Variants in SLC24A2 observed in about 807,000 individuals in gnomAD.
SLC24A2 encodes the protein solute carrier family 24 member 2, also known as sodium/potassium/calcium exchanger 2.
SLC24A2 carries 36 observed loss-of-function variants against 62.0 expected under a neutral mutation model. The ratio of observed to expected loss-of-function variants is 0.58; its 90% CI spans 0.44 to 0.77. The LOEUF (loss-of-function observed/expected upper bound fraction) is 0.77. Ranked by LOEUF, SLC24A2 falls within the 30% of genes least tolerant of loss-of-function variation. The probability of loss-of-function intolerance (pLI) is 0.00; values close to 1 mark genes in which losing one functional copy is unlikely to be tolerated. For missense variants in SLC24A2, 846 were observed against 817.9 expected, an observed-to-expected ratio of 1.03 and a Z score of -0.42; for synonymous variants, 358 against 294.0, an observed-to-expected ratio of 1.22 and a Z score of -2.23.
chr9:19,920,366 T>A, the SLC24A2 span, among the ~76,000 whole-genome samples: 2 of 152,222 alleles, frequency 1.3e-5, no homozygotes, highest in African/African-American at 4.8e-5. Context: ...GATTAATTCA[T>A]CAGTCGTGAT....
At chr9:20,042,191 T>C in the SLC24A2 span, among the ~76,000 whole-genome samples, 3 of 152,226 alleles carry the variant, frequency 2.0e-5, no homozygotes, top group East Asian at 5.8e-4. Context: ...TCCAGCACTT[T>C]CCAGAAGGCA....
At chr9:19,990,133 T>A in the SLC24A2 span, among the ~76,000 whole-genome samples, 6 of 152,300 alleles carry the variant, frequency 3.9e-5, no homozygotes, top group East Asian at 1.2e-3. Context: ...CATTATCTCA[T>A]TTAATCATCA....
the SLC24A2 span, among the ~76,000 whole-genome samples, chr9:20,025,152 T>C: frequency 6.6e-6 from 1 of 152,232 alleles, no homozygotes; most frequent in Non-Finnish European, 1.5e-5. Context: ...TATTCTATTC[T>C]ATTTTCTTTA....
At chr9:20,291,939 G>A in the SLC24A2 span, among the ~76,000 whole-genome samples, 2 of 152,164 alleles carry the variant, frequency 1.3e-5, no homozygotes, top group Non-Finnish European at 2.9e-5. Flanking sequence ...AGGGAGTGAA[G>A]GGGGCAGGAA....
chr9:19,676,482 G>A (rs925142577), intron 2 of SLC24A2, among the ~76,000 whole-genome samples: 7 of 152,286 alleles, frequency 4.6e-5, no homozygotes, highest in Non-Finnish European at 1.0e-4. Flanking sequence ...CTGGCACTGC[G>A]GCAGCTGACT....
chr9:20,084,970 CAG>C, the SLC24A2 span, among the ~76,000 whole-genome samples: 2 of 152,098 alleles, frequency 1.3e-5, no homozygotes, highest in Admixed American at 1.3e-4. Context: ...CTGCAAAAGA[CAG>C]GGCAAGTCTC....
chr9:20,289,508 G>A, the SLC24A2 span, among the ~76,000 whole-genome samples: 1 of 152,192 alleles, frequency 6.6e-6, no homozygotes, highest in Non-Finnish European at 1.5e-5. Flanking sequence ...CTTCGGATAA[G>A]TCATTAACCT....
chr9:19,926,470 A>G, the SLC24A2 span: 1 of 152,312 alleles, frequency 6.6e-6, no homozygotes, highest in Non-Finnish European at 1.5e-5. Context: ...TGCTTCGCCC[A>G]GTTCTTTGCA....
At chr9:20,069,955 A>C in the SLC24A2 span, among the ~76,000 whole-genome samples, 1 of 152,198 alleles carries the variant, frequency 6.6e-6, no homozygotes, top group Non-Finnish European at 1.5e-5. Flanking sequence ...ATCTGTATCT[A>C]CACAACTTAC....
the SLC24A2 span, among the ~76,000 whole-genome samples, chr9:19,834,977 A>G: frequency 2.0e-5 from 3 of 152,012 alleles, no homozygotes; most frequent in Non-Finnish European, 4.4e-5. Context: ...GCCAAACTAA[A>G]CTTCATAAGT....
At chr9:20,262,205 G>A in the SLC24A2 span, among the ~76,000 whole-genome samples, 1 of 152,176 alleles carries the variant, frequency 6.6e-6, no homozygotes. Flanking sequence ...TTACTTATAA[G>A]CAAATAAAAC....
At chr9:19,546,947 T>C (rs1305385383) in intron 8 of SLC24A2, among the ~76,000 whole-genome samples, 2 of 152,228 alleles carry the variant, frequency 1.3e-5, no homozygotes, top group East Asian at 3.9e-4. Context: ...GAGAATTTCC[T>C]GACCCCTTGC....
chr9:19,574,306 G>T (rs1418532191), intron 6 of SLC24A2, among the ~76,000 whole-genome samples: 3 of 152,206 alleles, frequency 2.0e-5, no homozygotes, highest in Admixed American at 6.5e-5. Flanking sequence ...AGAACATTTA[G>T]CTAGAGTAAA....
the SLC24A2 span, among the ~76,000 whole-genome samples, chr9:20,206,885 G>GGT: frequency 6.8e-4 from 102 of 148,908 alleles, 2 homozygotes; most frequent in South Asian, 1.1e-3. Context: ...CTAAGTTGGG[G>GGT]GGGGCGGTTA....
intron 4 of SLC24A2, among the ~76,000 whole-genome samples, chr9:19,609,283 G>C (rs1166959363): frequency 6.6e-6 from 1 of 152,228 alleles, no homozygotes; most frequent in African/African-American, 2.4e-5. Flanking sequence ...TGCCCCGCTT[G>C]GTGCCTCACC....
In SLC24A2 at chr9:19,520,747, G is replaced by A. The variant is rs929179198; in HGVS notation, c.1736+147C>T. ...TGAGAAAATGAGAAATAGAATTGGG[G>A]AAATGCAATGGTATTCTCAATCTTT... On this transcript the variant is annotated intron_variant, in intron 10 of 10. Coordinates refer to ENST00000341998, the MANE Select transcript of SLC24A2 (RefSeq NM_020344.4). The A allele has an allele frequency of 5.3e-6, 4 of 758,330 alleles. No homozygotes were observed. In the East Asian group the frequency reaches 1.0e-4, roughly 19 times the overall value. 47.0% of individuals were successfully genotyped at this position (758,330 alleles called of 1,614,324 possible). A position where few individuals can be genotyped will look rare whatever the true frequency, so the allele number is the denominator to read the frequency against.
intron 4 of SLC24A2, among the ~76,000 whole-genome samples, chr9:19,614,844 G>A (rs566207520): frequency 1.3e-5 from 2 of 151,922 alleles, no homozygotes; most frequent in Admixed American, 1.3e-4. Flanking sequence ...GCTTGAGTGA[G>A]GTCCTTTCAG....
chr9:20,256,921 T>TACACACACACACAC, the SLC24A2 span, among the ~76,000 whole-genome samples: 2 of 119,884 alleles, frequency 1.7e-5, no homozygotes, highest in Non-Finnish European at 3.9e-5. Context: ...CTCCAGCATG[T>TACACACACACACAC]ACACACACAC....
the SLC24A2 span, among the ~76,000 whole-genome samples, chr9:20,076,861 G>GTATATATATA: frequency 4.7e-5 from 5 of 105,836 alleles, no homozygotes; most frequent in Non-Finnish European, 7.5e-5. Flanking sequence ...CATATCATAT[G>GTATATATATA]TATATATATA....
Sources: gnomAD v4.1 joint callset for allele counts (sites outside exome capture counted in the v4.1 genomes callset) on GRCh38, gnomAD v4.1.1 for gene constraint, MANE v1.5 for transcripts, NCBI Gene and HGNC (gene_info 2026-07-23, HGNC 2026-07-21) for gene names.